ABHD3: variants seen among roughly 807,000 people sequenced by gnomAD.
ABHD3 encodes the protein phospholipase ABHD3.
In ABHD3, 46 loss-of-function variants were observed where a neutral mutation model predicts 48.8. The ratio of observed to expected loss-of-function variants is 0.94; its 90% CI spans 0.74 to 1.20. The LOEUF is 1.20. Among genes scored for constraint, ABHD3 ranks in the 50% most tolerant of loss-of-function variants. The probability of loss-of-function intolerance (pLI) is 0.00; values close to 1 mark genes in which losing one functional copy is unlikely to be tolerated. For synonymous variants in ABHD3, 192 were observed against 183.7 expected (o/e 1.04, Z -0.36); for missense variants, 490 against 497.8 (o/e 0.98, Z 0.15).
intron 4 of ABHD3, among the ~76,000 whole-genome samples, chr18:21,665,538 C>T (rs1242138030): frequency 1.3e-5 from 2 of 152,060 alleles, no homozygotes; most frequent in Non-Finnish European, 2.9e-5. Context: ...AACAAGCAGC[C>T]AGGCGCAGTG....
At chr18:21,677,351 C>T (rs926808539) in intron 4 of ABHD3, among the ~76,000 whole-genome samples, 6 of 151,774 alleles carry the variant, frequency 4.0e-5, no homozygotes, top group African/African-American at 1.2e-4. Flanking sequence ...CCTGCCACCA[C>T]GCCTGGCAAA....
chr18:21,704,584 A>G lies in ABHD3; in HGVS notation c.82T>C (p.Phe28Leu). ...AGGGATAAGCCCACCCCCGAGCCGA[A>G]GAACCCCACCCGGACTTGGTGTTCC... ...YLEHQVRVGF[F>L]GSGVGLSLIL... is the part of the protein sequence containing the mutation. Residue 28 changes from phenylalanine to leucine, a missense_variant, in exon 1 of 9, where the codon TTC becomes CTC. Transcript: ENST00000289119. 2 of 1,550,958 alleles carry G rather than the reference A, an allele frequency of 1.3e-6. No homozygotes were observed. Among genetic ancestry groups the G allele is most frequent in the African/African-American group, 1.4e-5 (1 of 70,672 alleles).
In ABHD3 at chr18:21,670,777, G is replaced by A. The variant is rs192498237; in HGVS notation, c.556-6547C>T. 1.2e-3 allele frequency among the ~76,000 whole-genome samples: 181 copies of A among 152,274 alleles called. 2 individuals are homozygous for A. Among genetic ancestry groups the A allele is most frequent in the Admixed American group, 0.011 (170 of 15,292 alleles). ...TACCTGTAATCCCAGCACTTTGGGA[G>A]GCTGAGGAGGGTGGATCACTTGAGG... is the stretch of plus-strand genomic sequence containing the variant. On this transcript the variant is annotated intron_variant, in intron 4 of 8. Coordinates refer to ENST00000289119, the MANE Select transcript of ABHD3 (RefSeq NM_138340.5).
chr18:21,674,657 C>T (rs2039835427), intron 4 of ABHD3, among the ~76,000 whole-genome samples: 1 of 152,136 alleles, frequency 6.6e-6, no homozygotes, highest in Non-Finnish European at 1.5e-5. Flanking sequence ...CTGAGACCAG[C>T]CTTCCTGGGT....
At chr18:21,676,757 A>T (rs1191353156) in intron 4 of ABHD3, among the ~76,000 whole-genome samples, 2 of 152,140 alleles carry the variant, frequency 1.3e-5, no homozygotes, top group East Asian at 3.9e-4. Context: ...TACCCTGAGG[A>T]AAAGAGTTGG....
At chr18:21,690,423 G>A (rs2040221208) in intron 3 of ABHD3, among the ~76,000 whole-genome samples, 1 of 151,940 alleles carries the variant, frequency 6.6e-6, no homozygotes, top group Non-Finnish European at 1.5e-5. Flanking sequence ...CCAACATGGT[G>A]AAACCCCATC....
intron 5 of ABHD3, among the ~76,000 whole-genome samples, chr18:21,660,107 G>A (rs2146285045): frequency 7.3e-6 from 1 of 137,790 alleles, no homozygotes; most frequent in Admixed American, 7.6e-5. Context: ...GACTACACGT[G>A]TCCGCCATCA....
intron 8 of ABHD3, among the ~76,000 whole-genome samples, chr18:21,652,028 C>G (rs1458420450): frequency 2.0e-5 from 3 of 152,066 alleles, no homozygotes; most frequent in Non-Finnish European, 2.9e-5. Context: ...CTTCATAACA[C>G]AAAAGTATAC....
chr18:21,663,303 A>C (rs2039544456), intron 5 of ABHD3, among the ~76,000 whole-genome samples: 1 of 152,162 alleles, frequency 6.6e-6, no homozygotes, highest in Non-Finnish European at 1.5e-5. Context: ...ATGACAGATA[A>C]ACCAATTATA....
chr18:21,670,545 C>T (rs1019856878), intron 4 of ABHD3, among the ~76,000 whole-genome samples: 3 of 152,178 alleles, frequency 2.0e-5, no homozygotes, highest in Admixed American at 6.5e-5. Flanking sequence ...CACAATATGA[C>T]GCCGAGCAAT....
intron 3 of ABHD3, among the ~76,000 whole-genome samples, chr18:21,693,606 A>G (rs1402734651): frequency 6.6e-6 from 1 of 152,204 alleles, no homozygotes; most frequent in Non-Finnish European, 1.5e-5. Context: ...GCTAACAATT[A>G]GTGCCCTAGA....
Position 21,704,706 on chromosome 18 carries a change from A to T in ABHD3, c.-41T>A, listed in dbSNP as rs759569029. 177 of 1,352,380 alleles carry T rather than the reference A, an allele frequency of 1.3e-4. No individual in the cohort carries two copies. In the Admixed American group the frequency reaches 1.3e-3, roughly 10 times the overall value. 83.8% of individuals were successfully genotyped at this position (1,352,380 alleles called of 1,614,324 possible). A position where few individuals can be genotyped will look rare whatever the true frequency, so the allele number is the denominator to read the frequency against. ...CGCGCGGGTCCTGCGGCGGGAGGAG[A>T]GCCGGCTGGCGAGCGGGCGAGAGCG... On this transcript the variant is annotated 5_prime_UTR_variant, in exon 1 of 9. Coordinates refer to ENST00000289119, the MANE Select transcript of ABHD3 (RefSeq NM_138340.5).
intron 8 of ABHD3, among the ~76,000 whole-genome samples, chr18:21,654,385 T>C (rs1424327253): frequency 1.3e-5 from 2 of 152,122 alleles, no homozygotes; most frequent in African/African-American, 4.8e-5. Context: ...CTTCCACAAA[T>C]TGACTGTTTA....
At chr18:21,671,796 TTTA>T (rs2039763289) in intron 4 of ABHD3, among the ~76,000 whole-genome samples, 1 of 152,228 alleles carries the variant, frequency 6.6e-6, no homozygotes, top group Non-Finnish European at 1.5e-5. Flanking sequence ...CAGTAATTTA[TTTA>T]TTATCATTAT....
In ABHD3 at chr18:21,704,597, G is replaced by A. The variant is rs1352413706; in HGVS notation, c.69C>T (p.Val23=). 1.3e-6 allele frequency: 2 copies of A among 1,554,880 alleles called. No individual in the cohort carries two copies. The highest frequency in any genetic ancestry group is 2.6e-5 in the East Asian group (1 of 38,048). Residue 23 remains valine (V), a synonymous_variant, in exon 1 of 9, where the codon GTC becomes GTT. Coordinates refer to ENST00000289119, the MANE Select transcript of ABHD3 (RefSeq NM_138340.5). ...CCCCCGAGCCGAAGAACCCCACCCG[G>A]ACTTGGTGTTCCAGGTAGAGGGAGA... ...RELSLYLEHQ[V]RVGFFGSGVG... is the part of the protein sequence containing the mutation.
intron 3 of ABHD3, among the ~76,000 whole-genome samples, chr18:21,688,476 C>T (rs1428837796): frequency 1.3e-5 from 2 of 152,134 alleles, no homozygotes; most frequent in Non-Finnish European, 2.9e-5. Context: ...ATTGGAATAA[C>T]TCATTTATTC....
At chr18:21,663,621 G>A (rs1355370826) in intron 5 of ABHD3, 1 of 1,498,994 alleles carries the variant, frequency 6.7e-7, no homozygotes, top group Admixed American at 2.1e-5. Context: ...TTCTAGGAGA[G>A]CACTCCACAG....
chr18:21,684,311 C>CTTTTTTTTTTTTTTT (rs564516602), intron 3 of ABHD3, among the ~76,000 whole-genome samples: 2 of 82,818 alleles, frequency 2.4e-5, no homozygotes, highest in Non-Finnish European at 4.2e-5. Flanking sequence ...AATGTTTTTG[C>CTTTTTTTTTTTTTTT]TTTTTTTTTT....
At chr18:21,696,737 G>T (rs535700411) in intron 3 of ABHD3, among the ~76,000 whole-genome samples, 67 of 146,818 alleles carry the variant, frequency 4.6e-4, no homozygotes, top group African/African-American at 1.5e-3. Context: ...TTTAGTTTTG[G>T]TTTTTTTTTG....
Sources: allele counts gnomAD v4.1 joint callset (sites outside exome capture counted in the v4.1 genomes callset), GRCh38; gene constraint gnomAD v4.1.1; transcripts MANE v1.5; gene names NCBI Gene and HGNC (gene_info 2026-07-23, HGNC 2026-07-21).